The following PTPRG variants were observed in gnomAD, a reference collection of about 807,000 sequenced individuals.
PTPRG encodes receptor-type tyrosine-protein phosphatase gamma.
Under a neutral mutation model 165.3 loss-of-function variants are expected in PTPRG, and 102 were observed. That is an observed-to-expected ratio of 0.62 (90% CI 0.53 to 0.73). The LOEUF (loss-of-function observed/expected upper bound fraction) is 0.73. Among genes scored for constraint, PTPRG ranks in the 30% least tolerant of loss-of-function variants. The pLI is 0.00. For synonymous variants in PTPRG, 675 were observed against 669.5 expected (o/e 1.01, Z -0.13); for missense variants, 1,866 against 1,861.4 (o/e 1.00, Z -0.05).
rs1374866783 is a variant in PTPRG, at chr3:61,750,360, C to G, written c.190+1378C>G. On this transcript the variant is annotated intron_variant, in intron 2 of 29. Transcript: ENST00000474889. ...TTAGTCAGGAAATTGGAAGTTATATCCCATTAGCATGTCCAATTGCAAATG... is the reference window on the plus strand; with the variant it reads ...TTAGTCAGGAAATTGGAAGTTATATGCCATTAGCATGTCCAATTGCAAATG... The G allele has an allele frequency of 2.6e-5, 4 of 152,238 alleles. No homozygotes were observed. The East Asian group carries it at 7.7e-4, about 29-fold the overall frequency. 9.4% of individuals were successfully genotyped at this position (152,238 alleles called of 1,614,324 possible). A position where few individuals can be genotyped will look rare whatever the true frequency, so the allele number is the denominator to read the frequency against.
intron 2 of PTPRG, among the ~76,000 whole-genome samples, chr3:61,895,696 T>C (rs1021409346): frequency 4.6e-5 from 7 of 152,188 alleles, no homozygotes; most frequent in Admixed American, 2.6e-4. Context: ...TTTATTGTGA[T>C]TAGGGGCTGA....
chr3:62,125,946 C>T (rs1264235812), intron 5 of PTPRG, among the ~76,000 whole-genome samples: 2 of 152,112 alleles, frequency 1.3e-5, no homozygotes, highest in Non-Finnish European at 2.9e-5. Context: ...GGACAAAAAT[C>T]ACCATGCGGG....
chr3:61,582,056 C>G (rs1238129011), intron 1 of PTPRG, among the ~76,000 whole-genome samples: 2 of 152,184 alleles, frequency 1.3e-5, no homozygotes. Flanking sequence ...CAACCTCCCC[C>G]TACTGGGCTC....
intron 1 of PTPRG, among the ~76,000 whole-genome samples, chr3:61,621,247 G>A (rs1559527628): frequency 6.6e-6 from 1 of 152,060 alleles, no homozygotes; most frequent in Non-Finnish European, 1.5e-5. Flanking sequence ...TGCTGGAAAT[G>A]ACCAGCAGGA....
At chr3:62,086,554 T>C (rs1701759576) in intron 5 of PTPRG, among the ~76,000 whole-genome samples, 1 of 152,218 alleles carries the variant, frequency 6.6e-6, no homozygotes, top group Non-Finnish European at 1.5e-5. Flanking sequence ...TCCTTTCCAG[T>C]TGCTGCTGTT....
chr3:62,272,489 G>C (rs1022397986), intron 21 of PTPRG, among the ~76,000 whole-genome samples: 1 of 151,946 alleles, frequency 6.6e-6, no homozygotes, highest in Non-Finnish European at 1.5e-5. Flanking sequence ...AATACATGTC[G>C]CTTGTTCTGT....
At chr3:61,963,372 T>C (rs1357407302) in intron 2 of PTPRG, among the ~76,000 whole-genome samples, 1 of 152,094 alleles carries the variant, frequency 6.6e-6, no homozygotes, top group Non-Finnish European at 1.5e-5. Flanking sequence ...AACCATGAAC[T>C]GCAGTAAAAG....
In PTPRG at chr3:62,218,841, C is replaced by T. The variant is rs781068725; in HGVS notation, c.2156-10C>T. ...CTCTGTCCTCTAACTGGGATGATTT[C>T]TCTTGGCAGCGGAAAAAAACACCTC... On this transcript the variant is annotated splice_polypyrimidine_tract_variant and intron_variant, in intron 12 of 29. Transcript: ENST00000474889. 6.2e-7 allele frequency: 1 copy of T among 1,611,244 alleles called. No homozygotes were observed. Among genetic ancestry groups the T allele is most frequent in the Admixed American group, 1.7e-5 (1 of 59,634 alleles).
At chr3:61,566,938 T>G (rs948707775) in intron 1 of PTPRG, among the ~76,000 whole-genome samples, 1 of 152,220 alleles carries the variant, frequency 6.6e-6, no homozygotes, top group Non-Finnish European at 1.5e-5. Flanking sequence ...ATTAAGAGAT[T>G]TAAACAATTG....
At chr3:61,965,259 A>AT (rs397829502) in intron 2 of PTPRG, among the ~76,000 whole-genome samples, 1 of 151,012 alleles carries the variant, frequency 6.6e-6, no homozygotes, top group African/African-American at 2.4e-5. Flanking sequence ...AAAAAAAAAA[A>AT]TCCAGAATGA....
chr3:62,114,359 T>A (rs1576018907), intron 5 of PTPRG, among the ~76,000 whole-genome samples: 3 of 151,988 alleles, frequency 2.0e-5, no homozygotes. Flanking sequence ...GTATACTCAG[T>A]TTTAATTTTG....
intron 1 of PTPRG, among the ~76,000 whole-genome samples, chr3:61,692,132 T>C (rs1276687831): frequency 6.6e-6 from 1 of 152,252 alleles, no homozygotes; most frequent in Non-Finnish European, 1.5e-5. Flanking sequence ...TCCTTAAGGA[T>C]TCAGCTGCCC....
chr3:61,797,622 C>G (rs1575671414), intron 2 of PTPRG, among the ~76,000 whole-genome samples: 1 of 125,034 alleles, frequency 8.0e-6, no homozygotes, highest in East Asian at 2.5e-4. Flanking sequence ...CTTTGTAAAT[C>G]AAGATTTTTG....
chr3:61,833,067 T>TTGTGTGTGTGTGTGTGTGTGTG (rs113069211), intron 2 of PTPRG, among the ~76,000 whole-genome samples: 82 of 146,890 alleles, frequency 5.6e-4, no homozygotes, highest in African/African-American at 1.9e-3. Flanking sequence ...TAGTATTCCA[T>TTGTGTGTGTGTGTGTGTGTGTG]TGTGTGTGTG....
At chr3:61,873,007 G>C (rs1014086833) in intron 2 of PTPRG, among the ~76,000 whole-genome samples, 2 of 152,196 alleles carry the variant, frequency 1.3e-5, no homozygotes, top group African/African-American at 4.8e-5. Context: ...ATGAATTCGA[G>C]CTGTAAAAAA....
chr3:61,660,739 C>T (rs189069850), intron 1 of PTPRG, among the ~76,000 whole-genome samples: 24 of 152,278 alleles, frequency 1.6e-4, no homozygotes, highest in Admixed American at 6.5e-4. Context: ...CGTTGGCTCA[C>T]GCCTGTAATC....
At chr3:62,028,015 C>T (rs893502476) in intron 4 of PTPRG, among the ~76,000 whole-genome samples, 3 of 152,108 alleles carry the variant, frequency 2.0e-5, no homozygotes, top group African/African-American at 7.2e-5. Flanking sequence ...GTGAATCAGC[C>T]CAGCCTGCAT....
At chr3:61,749,977 T>C (rs1305680771) in intron 2 of PTPRG, 1 of 152,252 alleles carries the variant, frequency 6.6e-6, no homozygotes, top group African/African-American at 2.4e-5. Context: ...ATAGGTCTGA[T>C]CTTTAATTAT....
chr3:61,948,627 G>T (rs965611821), intron 2 of PTPRG, among the ~76,000 whole-genome samples: 2 of 152,116 alleles, frequency 1.3e-5, no homozygotes, highest in African/African-American at 4.8e-5. Flanking sequence ...AAGTAATCTA[G>T]GGAACAGGAG....
Sources: gnomAD v4.1 joint callset for allele counts (sites outside exome capture counted in the v4.1 genomes callset) on GRCh38, gnomAD v4.1.1 for gene constraint, MANE v1.5 for transcripts, NCBI Gene and HGNC (gene_info 2026-07-23, HGNC 2026-07-21) for gene names.